Variants in TBC1D22A observed in about 807,000 individuals in gnomAD.
The protein encoded by TBC1D22A is TBC1 domain family member 22A, also known as putative GTPase activator.
TBC1D22A carries 38 observed loss-of-function variants against 60.2 expected under a neutral mutation model. The ratio of observed to expected loss-of-function variants is 0.63; its 90% CI spans 0.49 to 0.83. The LOEUF (loss-of-function observed/expected upper bound fraction) is 0.83. TBC1D22A is among the 40% of genes least tolerant of loss of function. TBC1D22A has a pLI of 0.00. For synonymous variants in TBC1D22A, 302 were observed against 281.7 expected (o/e 1.07, Z -0.72); for missense variants, 628 against 701.0 (o/e 0.90, Z 1.18).
chr22:46,988,223 T>A (rs1023449461), intron 9 of TBC1D22A, among the ~76,000 whole-genome samples: 2 of 152,260 alleles, frequency 1.3e-5, no homozygotes, highest in Non-Finnish European at 2.9e-5. Context: ...ATATCTGTAG[T>A]TACTTCCTCC....
At chr22:46,894,124 C>T (rs951988240) in intron 6 of TBC1D22A, among the ~76,000 whole-genome samples, 1 of 152,158 alleles carries the variant, frequency 6.6e-6, no homozygotes, top group Non-Finnish European at 1.5e-5. Context: ...TAAACGGGAG[C>T]GTGGGCTAGT....
At chr22:46,992,607 A>G (rs998579471) in intron 9 of TBC1D22A, among the ~76,000 whole-genome samples, 2 of 152,266 alleles carry the variant, frequency 1.3e-5, no homozygotes, top group African/African-American at 4.8e-5. Context: ...TCCTTCGCAC[A>G]CATCGATACT....
intron 1 of TBC1D22A, among the ~76,000 whole-genome samples, chr22:46,788,714 C>T (rs956343432): frequency 2.6e-5 from 4 of 152,212 alleles, no homozygotes; most frequent in South Asian, 4.1e-4. Context: ...CTGAAACTCA[C>T]TCTGATGTAT....
intron 7 of TBC1D22A, among the ~76,000 whole-genome samples, chr22:46,910,841 G>C (rs1360961558): frequency 6.8e-6 from 1 of 148,068 alleles, no homozygotes; most frequent in Non-Finnish European, 1.5e-5. Context: ...CACTCAGGGG[G>C]ATCGAGACCC....
Position 46,772,591 on chromosome 22 carries a change from T to C in TBC1D22A, c.62+9743T>C, listed in dbSNP as rs12167509. 8.0e-5 allele frequency among the ~76,000 whole-genome samples: 5 copies of C among 62,540 alleles called. 1 individual carries two copies. The highest frequency in any genetic ancestry group is 1.4e-4 in the African/African-American group (2 of 14,356). 41.0% of individuals were successfully genotyped at this position (62,540 alleles called of 152,430 possible). A position where few individuals can be genotyped will look rare whatever the true frequency, so the allele number is the denominator to read the frequency against. Reference sequence around the variant, plus strand: ...ATGTATACACACATATACATATATATGTATACACACATATACATATATACA... The same window carrying C: ...ATGTATACACACATATACATATATACGTATACACACATATACATATATACA... On this transcript the variant is annotated intron_variant, in intron 1 of 12. Transcript: ENST00000337137.
At chr22:46,785,019 A>G (rs1436376593) in intron 1 of TBC1D22A, among the ~76,000 whole-genome samples, 1 of 152,238 alleles carries the variant, frequency 6.6e-6, no homozygotes, top group African/African-American at 2.4e-5. Context: ...AAGACATTTC[A>G]GGAAAAGGAC....
intron 4 of TBC1D22A, among the ~76,000 whole-genome samples, chr22:46,858,277 A>G (rs1044907213): frequency 4.6e-5 from 7 of 152,230 alleles, no homozygotes; most frequent in Non-Finnish European, 8.8e-5. Flanking sequence ...TCTTCTTTGA[A>G]GAAATGCCTA....
intron 4 of TBC1D22A, among the ~76,000 whole-genome samples, chr22:46,799,847 G>A (rs776019046): frequency 9.2e-5 from 14 of 152,226 alleles, no homozygotes; most frequent in Non-Finnish European, 2.1e-4. Flanking sequence ...GGGGCACGTG[G>A]TGCTGGTGGG....
At chr22:46,932,047 G>C (rs577625996) in intron 8 of TBC1D22A, among the ~76,000 whole-genome samples, 1 of 152,130 alleles carries the variant, frequency 6.6e-6, no homozygotes, top group Non-Finnish European at 1.5e-5. Context: ...CTGATGTTAC[G>C]CGGTTTCTTT....
At chr22:46,913,609 C>T (rs375760087) in intron 8 of TBC1D22A, 4 of 985,168 alleles carry the variant, frequency 4.1e-6, no homozygotes, top group Non-Finnish European at 4.8e-6. Flanking sequence ...TTTTCTGCCT[C>T]TTACCCCTCA....
intron 12 of TBC1D22A, among the ~76,000 whole-genome samples, chr22:47,131,602 C>T (rs754649576): frequency 7.2e-5 from 11 of 152,236 alleles, no homozygotes; most frequent in Non-Finnish European, 1.5e-5. Context: ...TAGATGGCCT[C>T]TGCCCATGCG....
chr22:46,792,447 T>G lies in TBC1D22A; in HGVS notation c.63-73T>G, dbSNP rs1453155105. ...CTGTGGGTTCCTGGGAGCCCACCTT[T>G]CGGCTGAGCTGGTGGAGGGCTCTTG... is the stretch of plus-strand genomic sequence containing the variant. On this transcript the variant is annotated intron_variant, in intron 1 of 12. Transcript: ENST00000337137. The G allele has an allele frequency of 2.3e-5, 37 of 1,602,366 alleles. No homozygotes were observed. The Admixed American group carries it at 6.2e-4, about 27-fold the overall frequency.
At chr22:47,080,005 A>G (rs750060790) in intron 11 of TBC1D22A, among the ~76,000 whole-genome samples, 2 of 152,242 alleles carry the variant, frequency 1.3e-5, no homozygotes, top group Admixed American at 6.5e-5. Context: ...ACTGCAAGAC[A>G]TACTTTGGCA....
intron 12 of TBC1D22A, among the ~76,000 whole-genome samples, chr22:47,138,301 C>T (rs1211253942): frequency 6.6e-6 from 1 of 152,234 alleles, no homozygotes; most frequent in East Asian, 1.9e-4. Flanking sequence ...CCCCAAGGCA[C>T]TTTCGGCCTC....
intron 7 of TBC1D22A, among the ~76,000 whole-genome samples, chr22:46,904,524 A>T (rs1431330125): frequency 2.7e-5 from 4 of 149,902 alleles, no homozygotes; most frequent in African/African-American, 1.0e-4. Flanking sequence ...GCTGGAGTGC[A>T]GTGGTGTGAT....
At chr22:46,892,199 C>A (rs1019520178) in intron 6 of TBC1D22A, among the ~76,000 whole-genome samples, 1 of 152,004 alleles carries the variant, frequency 6.6e-6, no homozygotes, top group East Asian at 1.9e-4. Flanking sequence ...AGGAATGTTT[C>A]CCTCTGCAAA....
intron 5 of TBC1D22A, among the ~76,000 whole-genome samples, chr22:46,890,566 A>G (rs2068343913): frequency 6.6e-6 from 1 of 152,156 alleles, no homozygotes; most frequent in African/African-American, 2.4e-5. Flanking sequence ...TCCCCCATAG[A>G]TACTTAGGGA....
chr22:46,884,058 C>T (rs559715412), intron 5 of TBC1D22A, among the ~76,000 whole-genome samples: 3 of 152,334 alleles, frequency 2.0e-5, no homozygotes, highest in Non-Finnish European at 4.4e-5. Flanking sequence ...CGTTGTGGGG[C>T]AAACAGCGTT....
In TBC1D22A at chr22:46,797,425, C is replaced by T. The variant is rs992909584; in HGVS notation, c.461-19C>T. The T allele has an allele frequency of 1.2e-6, 2 of 1,611,854 alleles. No homozygotes were observed. The highest frequency in any genetic ancestry group is 1.7e-6 in the Non-Finnish European group (2 of 1,179,890). ...GGAGGAGCGCCCTCACCCTCACCCC[C>T]ATTCTCTCACCCCTGCAGAAAGTGC... On this transcript the variant is annotated intron_variant, in intron 3 of 12. Transcript: ENST00000337137.
Sources: gnomAD v4.1 joint callset for allele counts (sites outside exome capture counted in the v4.1 genomes callset) on GRCh38, gnomAD v4.1.1 for gene constraint, MANE v1.5 for transcripts, NCBI Gene and HGNC (gene_info 2026-07-23, HGNC 2026-07-21) for gene names.